GRIK2: variants seen among roughly 807,000 people sequenced by gnomAD.
GRIK2 encodes the protein glutamate receptor ionotropic, kainate 2.
In GRIK2, 32 loss-of-function variants were observed where a neutral mutation model predicts 100.3. That is an observed-to-expected ratio of 0.32 (90% CI 0.24 to 0.43). The LOEUF (loss-of-function observed/expected upper bound fraction) is 0.43, where lower values mean the gene tolerates loss of function less well. Among genes scored for constraint, GRIK2 ranks in the 20% least tolerant of loss-of-function variants. The pLI, the probability that GRIK2 is intolerant of heterozygous loss-of-function variation, is 1.00. For missense variants in GRIK2, 843 were observed against 1,114.9 expected (o/e 0.76, Z 3.47); for synonymous variants, 417 against 389.4 (o/e 1.07, Z -0.83).
intron 2 of GRIK2, among the ~76,000 whole-genome samples, chr6:101,601,795 G>T (rs1368070077): frequency 2.0e-5 from 3 of 151,602 alleles, no homozygotes; most frequent in Admixed American, 2.0e-4. Flanking sequence ...CGACATTTCT[G>T]ATGATGCTTA....
chr6:101,752,372 T>C (rs1347399599), intron 7 of GRIK2, among the ~76,000 whole-genome samples: 1 of 152,166 alleles, frequency 6.6e-6, no homozygotes, highest in Non-Finnish European at 1.5e-5. Flanking sequence ...AGCCCTAAAT[T>C]AGCAGTTTAT....
intron 2 of GRIK2, among the ~76,000 whole-genome samples, chr6:101,410,169 T>C (rs1383746659): frequency 6.6e-6 from 1 of 152,152 alleles, no homozygotes; most frequent in East Asian, 1.9e-4. Context: ...GTTTAAATTT[T>C]TTTCACTTTT....
intron 15 of GRIK2, among the ~76,000 whole-genome samples, chr6:102,047,123 AATAGCCTG>A (rs1770933297): frequency 6.6e-6 from 1 of 152,146 alleles, no homozygotes. Context: ...GAAGATCCCA[AATAGCCTG>A]ACATTATGCC....
intron 11 of GRIK2, among the ~76,000 whole-genome samples, chr6:101,887,260 C>T (rs1786714483): frequency 6.6e-6 from 1 of 152,046 alleles, no homozygotes; most frequent in African/African-American, 2.4e-5. Context: ...AGTCATTTCA[C>T]AATGTATATG....
intron 15 of GRIK2, among the ~76,000 whole-genome samples, chr6:102,050,589 G>A (rs1468527313): frequency 6.7e-6 from 1 of 149,192 alleles, no homozygotes; most frequent in Non-Finnish European, 1.5e-5. Flanking sequence ...GGAGGTTGCA[G>A]TGAGCCAAGA....
intron 2 of GRIK2, chr6:101,430,496 G>C: frequency 5.0e-6 from 1 of 199,502 alleles, no homozygotes; most frequent in Non-Finnish European, 1.1e-5. Context: ...GAGCTCAGTG[G>C]GGGTGATGAT....
chr6:101,649,238 C>G (rs964166007), intron 4 of GRIK2, among the ~76,000 whole-genome samples: 2 of 152,100 alleles, frequency 1.3e-5, no homozygotes, highest in African/African-American at 4.8e-5. Flanking sequence ...AAACAAGTGA[C>G]ATAATACTAG....
intron 7 of GRIK2, among the ~76,000 whole-genome samples, chr6:101,702,083 T>G (rs2248893): frequency 0.9 from 135,933 of 151,788 alleles, 60,943 homozygotes; most frequent in South Asian, 0.93. Context: ...ACCAGTTTAT[T>G]CTTGTTGTAC....
chr6:101,980,122 G>T, intron 14 of GRIK2, among the ~76,000 whole-genome samples: 1 of 151,964 alleles, frequency 6.6e-6, no homozygotes, highest in East Asian at 1.9e-4. Context: ...AATGGATAAG[G>T]ATCTGAAGCC....
chr6:101,881,688 A>G (rs895391245), intron 11 of GRIK2, among the ~76,000 whole-genome samples: 8 of 151,742 alleles, frequency 5.3e-5, no homozygotes, highest in African/African-American at 1.7e-4. Flanking sequence ...CTCTAAAAAA[A>G]AAAAAAATAG....
chr6:101,672,912 T>G (rs1290207280), intron 4 of GRIK2, among the ~76,000 whole-genome samples: 3 of 152,138 alleles, frequency 2.0e-5, no homozygotes, highest in Non-Finnish European at 4.4e-5. Flanking sequence ...AATGGTAGAG[T>G]TATATTCCTT....
intron 5 of GRIK2, among the ~76,000 whole-genome samples, chr6:101,681,255 C>G (rs942294752): frequency 6.6e-6 from 1 of 151,790 alleles, no homozygotes; most frequent in African/African-American, 2.4e-5. Flanking sequence ...AGTATTTATC[C>G]CTGTTTTTTG....
intron 2 of GRIK2, among the ~76,000 whole-genome samples, chr6:101,616,055 A>G (rs1779879211): frequency 6.6e-6 from 1 of 151,698 alleles, no homozygotes; most frequent in Admixed American, 6.6e-5. Context: ...CCTATTTGCC[A>G]TGCTTTGGAT....
intron 14 of GRIK2, among the ~76,000 whole-genome samples, chr6:101,943,180 T>C (rs1189229962): frequency 6.6e-6 from 1 of 152,200 alleles, no homozygotes; most frequent in Non-Finnish European, 1.5e-5. Flanking sequence ...CCCCAAACCT[T>C]GGCAGCTTCC....
chr6:101,870,667 C>T (rs1022394075), intron 11 of GRIK2, among the ~76,000 whole-genome samples: 9 of 151,618 alleles, frequency 5.9e-5, no homozygotes, highest in East Asian at 3.9e-4. Flanking sequence ...TTACATTGTA[C>T]GTGTGATTAC....
At chr6:101,618,843 A>C (rs571886067) in intron 2 of GRIK2, among the ~76,000 whole-genome samples, 2 of 151,324 alleles carry the variant, frequency 1.3e-5, no homozygotes, top group Non-Finnish European at 3.0e-5. Context: ...TATTGTAGAC[A>C]TTTTATCTTT....
At chr6:101,471,390 A>G (rs1771939219) in intron 2 of GRIK2, among the ~76,000 whole-genome samples, 1 of 152,032 alleles carries the variant, frequency 6.6e-6, no homozygotes, top group Non-Finnish European at 1.5e-5. Context: ...TATGGCCCCA[A>G]TAGCCTATTA....
intron 10 of GRIK2, among the ~76,000 whole-genome samples, chr6:101,846,015 T>TTTTTTTG (rs1783789811): frequency 6.6e-6 from 1 of 151,942 alleles, no homozygotes; most frequent in African/African-American, 2.4e-5. Context: ...TTGTTTTTTT[T>TTTTTTTG]TTGTTGTTGT....
chr6:102,018,466 T>C (rs866618316), intron 14 of GRIK2, among the ~76,000 whole-genome samples: 1 of 152,146 alleles, frequency 6.6e-6, no homozygotes, highest in South Asian at 2.1e-4. Flanking sequence ...TGGTGAAGTA[T>C]TTCAAAATAG....
Sources: gnomAD v4.1 joint callset for allele counts (sites outside exome capture counted in the v4.1 genomes callset) on GRCh38, gnomAD v4.1.1 for gene constraint, MANE v1.5 for transcripts, NCBI Gene and HGNC (gene_info 2026-07-23, HGNC 2026-07-21) for gene names.